The following APOLD1 variants were observed in gnomAD, a reference collection of about 807,000 sequenced individuals.
APOLD1 encodes apolipoprotein L domain-containing protein 1.
APOLD1 carries 22 observed loss-of-function variants against 15.3 expected under a neutral mutation model. The ratio of observed to expected loss-of-function variants is 1.44; its 90% CI spans 1.03 to 2.05. The LOEUF is 2.05. APOLD1 is among the 30% of genes most tolerant of loss of function. The probability of loss-of-function intolerance (pLI) is 0.00; values close to 1 mark genes in which losing one functional copy is unlikely to be tolerated. For synonymous variants in APOLD1, 190 were observed against 167.4 expected (o/e 1.13, Z -1.04); for missense variants, 394 against 353.5 (o/e 1.11, Z -0.92).
At chr12:12,726,579 A>G (rs907563920) in intron 1 of APOLD1, among the ~76,000 whole-genome samples, 1 of 152,226 alleles carries the variant, frequency 6.6e-6, no homozygotes, top group Admixed American at 6.5e-5. Flanking sequence ...CGAAATTTGC[A>G]TAGATACACA....
upstream of APOLD1, among the ~76,000 whole-genome samples, chr12:12,781,464 A>C (rs1947079501): frequency 1.3e-5 from 2 of 151,988 alleles, no homozygotes; most frequent in Non-Finnish European, 2.9e-5. Context: ...AATAACTGAG[A>C]GTCTCAAAAA....
intron 1 of APOLD1, among the ~76,000 whole-genome samples, chr12:12,742,494 C>T (rs752160267): frequency 7.2e-5 from 11 of 152,180 alleles, no homozygotes; most frequent in Non-Finnish European, 7.4e-5. Context: ...CGGCCGGGCA[C>T]GGTGGCTCAC....
In APOLD1 at chr12:12,751,684, T is replaced by C. The variant is rs573171085; in HGVS notation, c.96+25588T>C. On this transcript the variant is annotated intron_variant, in intron 1 of 1. Coordinates refer to the APOLD1 transcript ENST00000326765. The stretch of plus-strand genomic sequence containing the variant: ...CTCTTAGGCAACCTCGATATTACCT[T>C]CTGTGATAGGCTGAATAATGGGCCC... 1.4e-3 allele frequency among the ~76,000 whole-genome samples: 206 copies of C among 152,314 alleles called. 2 individuals are homozygous for C. Among genetic ancestry groups the C allele is most frequent in the African/African-American group, 4.8e-3 (200 of 41,574 alleles).
chr12:12,747,325 G>C (rs566536231), intron 1 of APOLD1, among the ~76,000 whole-genome samples: 1 of 152,274 alleles, frequency 6.6e-6, no homozygotes, highest in Admixed American at 6.5e-5. Flanking sequence ...GTCATTCCAG[G>C]TGAAGGGAGT....
At position 12,785,667 on chromosome 12, in the gene APOLD1, CT is replaced by C. The variant is rs1342999721; in HGVS notation, c.-22del. 2 of 1,614,094 alleles carry C rather than the reference CT, an allele frequency of 1.2e-6. No individual in the cohort carries two copies. The highest frequency in any genetic ancestry group is 2.7e-5 in the African/African-American group (2 of 74,930). ...CATCCAGAAACAGCCTCAGATTTTA[CT>C]TTCCTGGAGGCAGACAGAAGTGAAT... is the stretch of plus-strand genomic sequence containing the variant. On this transcript the variant is annotated 5_prime_UTR_variant, in exon 1 of 2. Transcript: ENST00000356591.
At chr12:12,732,329 G>A (rs1336849628) in intron 1 of APOLD1, among the ~76,000 whole-genome samples, 2 of 152,104 alleles carry the variant, frequency 1.3e-5, no homozygotes, top group Non-Finnish European at 2.9e-5. Context: ...TTTCAGCTGG[G>A]CGCCGTGATT....
chr12:12,773,252 C>A (rs979077865), intron 1 of APOLD1, among the ~76,000 whole-genome samples: 1 of 152,066 alleles, frequency 6.6e-6, no homozygotes, highest in East Asian at 1.9e-4. Flanking sequence ...AAAAGAAGAA[C>A]AAATTAAGTC....
intron 1 of APOLD1, among the ~76,000 whole-genome samples, chr12:12,744,528 G>C (rs1309684585): frequency 6.6e-6 from 1 of 152,150 alleles, no homozygotes; most frequent in Non-Finnish European, 1.5e-5. Flanking sequence ...AGAATCGCTT[G>C]AACCTGGGAG....
At chr12:12,786,747 A>C in intron 1 of APOLD1, 162 bp from the exon 2 acceptor site, 4 of 985,414 alleles carry the variant, frequency 4.1e-6, no homozygotes, top group Non-Finnish European at 4.8e-6. Context: ...CAGGTCTTTG[A>C]GAACTCGTCT....
intron 1 of APOLD1, among the ~76,000 whole-genome samples, chr12:12,750,651 A>G (rs2136379603): frequency 6.6e-6 from 1 of 152,202 alleles, no homozygotes; most frequent in South Asian, 2.1e-4. Context: ...ATTGGAGTGT[A>G]GTATACTTTT....
Position 12,789,593 on chromosome 12 carries a change from C to CA in APOLD1, c.*1945dup, listed in dbSNP as rs1947165687. ...CAAGTTATGTCTTCTGGGTGACAGACAAAATCGCTTGTCTTATGGTGGTGA... is the reference window on the plus strand; with the variant it reads ...CAAGTTATGTCTTCTGGGTGACAGACAAAAATCGCTTGTCTTATGGTGGTGA... On this transcript the variant is annotated 3_prime_UTR_variant, in exon 2 of 2. Coordinates refer to ENST00000356591, the MANE Select transcript of APOLD1 (RefSeq NM_030817.3). The CA allele has an allele frequency of 1.3e-5, 2 of 152,322 alleles. No individual in the cohort carries two copies. Among genetic ancestry groups the CA allele is most frequent in the South Asian group, 4.1e-4 (2 of 4,824 alleles). The allele number at this position is 152,322 out of a possible 1,614,324, so 9.4% of individuals were successfully genotyped here. A position where few individuals can be genotyped will look rare whatever the true frequency, so the allele number is the denominator to read the frequency against.
chr12:12,733,524 C>A (rs1440978927), intron 1 of APOLD1, among the ~76,000 whole-genome samples: 1 of 152,300 alleles, frequency 6.6e-6, no homozygotes, highest in Non-Finnish European at 1.5e-5. Context: ...TATGAAGAGA[C>A]TTTCCCTTAA....
chr12:12,770,567 GAA>G (rs36112693), intron 1 of APOLD1, among the ~76,000 whole-genome samples: 1 of 119,290 alleles, frequency 8.4e-6, no homozygotes, highest in Non-Finnish European at 1.8e-5. Context: ...AAAAAAGACT[GAA>G]AAAAAAAAAA....
intron 1 of APOLD1, among the ~76,000 whole-genome samples, chr12:12,729,887 AG>A (rs929195110): frequency 5.3e-5 from 8 of 151,772 alleles, no homozygotes; most frequent in Admixed American, 3.9e-4. Flanking sequence ...TTTTTTTTTG[AG>A]ACCAGGTCTC....
intron 1 of APOLD1, chr12:12,764,747 G>A: frequency 2.1e-6 from 1 of 485,198 alleles, no homozygotes; most frequent in Non-Finnish European, 4.3e-6. Context: ...ACCTTTATGT[G>A]CATCTCACAT....
intron 1 of APOLD1, among the ~76,000 whole-genome samples, chr12:12,768,050 G>A (rs1462697325): frequency 1.3e-5 from 2 of 152,070 alleles, no homozygotes; most frequent in Non-Finnish European, 2.9e-5. Flanking sequence ...ATCCCAAAGT[G>A]CTGGGATTAC....
chr12:12,758,269 G>A (rs1051442532), intron 1 of APOLD1, among the ~76,000 whole-genome samples: 4 of 151,692 alleles, frequency 2.6e-5, no homozygotes, highest in African/African-American at 7.3e-5. Flanking sequence ...GTAAAGTGCC[G>A]GGTGCAGTGG....
chr12:12,733,243 C>T lies in APOLD1; in HGVS notation c.96+7147C>T, dbSNP rs146903538. Among the ~76,000 whole-genome samples, 153 of 151,316 alleles carry T rather than the reference C, an allele frequency of 1.0e-3. 5 individuals carry two copies. The East Asian group carries it at 0.027, about 27-fold the overall frequency. On this transcript the variant is annotated intron_variant, in intron 1 of 1. Transcript: ENST00000326765. ...CAGAAGGTTGAGGTAGGAGGATCAC[C>T]TAAGAAAGGAGGTCTAGACTGCAGT... is the stretch of plus-strand genomic sequence containing the variant.
At chr12:12,732,234 T>A (rs1426874576) in intron 1 of APOLD1, among the ~76,000 whole-genome samples, 3 of 152,226 alleles carry the variant, frequency 2.0e-5, no homozygotes, top group Non-Finnish European at 4.4e-5. Context: ...GGTGTTAGGT[T>A]ACAGCTAACC....
Sources: allele counts gnomAD v4.1 joint callset (sites outside exome capture counted in the v4.1 genomes callset), GRCh38; gene constraint gnomAD v4.1.1; transcripts MANE v1.5; gene names NCBI Gene and HGNC (gene_info 2026-07-23, HGNC 2026-07-21).